The following ZNF469 variants were observed in gnomAD, a reference collection of about 807,000 sequenced individuals.
The protein encoded by ZNF469 is zinc finger protein 469.
In ZNF469, 1 loss-of-function variant was observed where a neutral mutation model predicts 1.0. The ratio of observed to expected loss-of-function variants is 1.00; its 90% CI spans 0.35 to 4.73. The LOEUF is 4.73. Ranked by LOEUF, ZNF469 falls within the 30% of genes most tolerant of loss-of-function variation. ZNF469 has a pLI of 0.16. For synonymous variants in ZNF469, 2,703 were observed against 2,363.4 expected, an observed-to-expected ratio of 1.14 and a Z score of -4.17; for missense variants, 6,100 against 5,356.3, an observed-to-expected ratio of 1.14 and a Z score of -4.33.
At chr16:88,393,885 G>A (rs780969905) in intron 1 of ZNF469, among the ~76,000 whole-genome samples, 4 of 152,230 alleles carry the variant, frequency 2.6e-5, no homozygotes, top group Non-Finnish European at 4.4e-5. Flanking sequence ...AGACGTCATC[G>A]GGGACCCCAA....
the ZNF469 span, among the ~76,000 whole-genome samples, chr16:88,336,509 T>A: frequency 2.3e-5 from 3 of 130,922 alleles, no homozygotes; most frequent in African/African-American, 8.9e-5. Flanking sequence ...CACATGCCAA[T>A]ACCGCGCATG....
At chr16:88,229,577 G>A in the ZNF469 span, among the ~76,000 whole-genome samples, 711 of 103,740 alleles carry the variant, frequency 6.9e-3, 4 homozygotes, top group Non-Finnish European at 0.012. Context: ...ACGCTTGTGC[G>A]CTGATGTCAC....
chr16:88,193,123 G>T, the ZNF469 span, among the ~76,000 whole-genome samples: 1 of 21,054 alleles, frequency 4.7e-5, no homozygotes, highest in Admixed American at 5.9e-4. Context: ...GGTGATGGTG[G>T]TGGTGGTGAT....
At chr16:88,394,436 C>T (rs965251133) in intron 1 of ZNF469, among the ~76,000 whole-genome samples, 1 of 152,252 alleles carries the variant, frequency 6.6e-6, no homozygotes, top group African/African-American at 2.4e-5. Context: ...AATAGTTTCA[C>T]GTTAACATGT....
chr16:88,416,433 G>A (rs951403443), intron 1 of ZNF469, among the ~76,000 whole-genome samples: 1 of 152,148 alleles, frequency 6.6e-6, no homozygotes, highest in African/African-American at 2.4e-5. Context: ...CAGGCCTCCC[G>A]TCCTACCTCC....
chr16:88,314,654 G>A, the ZNF469 span, among the ~76,000 whole-genome samples: 1 of 151,806 alleles, frequency 6.6e-6, no homozygotes, highest in Non-Finnish European at 1.5e-5. Context: ...TTCAGGCAGT[G>A]CTGGTGTGGG....
rs749986676 is a variant in ZNF469, at chr16:88,433,792, G to A, written c.6322G>A (p.Gly2108Arg). ...AGGGGATAGCCCAGCACCCTCTGTC[G>A]GGGACCTGGCCGCCTGCGCCCCCTC... is the stretch of plus-strand genomic sequence containing the variant. ...ATGDSPAPSV[G>R]DLAACAPSPT... The change falls in exon 3 of 3, where the codon GGG (glycine) becomes AGG (arginine). Residue 2108 changes from glycine (G) to arginine (R), a missense_variant. Coordinates refer to ENST00000565624, the MANE Select transcript of ZNF469 (RefSeq NM_001367624.2). 48 of 1,549,540 alleles carry A rather than the reference G, an allele frequency of 3.1e-5. No homozygotes were observed. The highest frequency in any genetic ancestry group is 1.7e-4 in the Middle Eastern group (1 of 6,014).
At chr16:88,365,838 C>T in the ZNF469 span, among the ~76,000 whole-genome samples, 15,949 of 152,130 alleles carry the variant, frequency 0.1, 857 homozygotes, top group Middle Eastern at 0.13. Flanking sequence ...AGAGGCAATG[C>T]CGCCACACAA....
In ZNF469 at chr16:88,431,260, A is replaced by G. The variant is rs760152717; in HGVS notation, c.3790A>G (p.Ile1264Val). The G allele has an allele frequency of 5.8e-6, 9 of 1,550,326 alleles. No individual in the cohort carries two copies. The South Asian group carries it at 1.1e-4, about 18-fold the overall frequency. ...GEMGASPGLLIPEQPPPSRHD... is the reference protein window; with the variant it reads ...GEMGASPGLLVPEQPPPSRHD... ...AATGGGAGCAAGCCCCGGTCTCCTG[A>G]TACCAGAGCAGCCGCCGCCCAGCAG... The change falls in exon 3 of 3, where the codon ATA becomes GTA. Residue 1264 changes from isoleucine (I) to valine (V), a missense_variant. Coordinates refer to ENST00000565624, the MANE Select transcript of ZNF469 (RefSeq NM_001367624.2).
chr16:88,243,932 ATATATATATATATATATAT>A, the ZNF469 span, among the ~76,000 whole-genome samples: 1 of 103,954 alleles, frequency 9.6e-6, no homozygotes, highest in African/African-American at 3.8e-5. Context: ...ATATATATAT[ATATATATATATATATATAT>A]AAATGTATGT....
intron 1 of ZNF469, among the ~76,000 whole-genome samples, chr16:88,405,388 AC>A (rs1904999898): frequency 6.6e-6 from 1 of 152,228 alleles, no homozygotes; most frequent in African/African-American, 2.4e-5. Flanking sequence ...GGGAGTGGCC[AC>A]ATGGGCCCGT....
chr16:88,239,754 G>T, the ZNF469 span, among the ~76,000 whole-genome samples: 886 of 118,468 alleles, frequency 7.5e-3, 21 homozygotes, highest in African/African-American at 0.026. Flanking sequence ...TAGAGACAGG[G>T]TTTCACTGTG....
At chr16:88,305,859 G>A in the ZNF469 span, among the ~76,000 whole-genome samples, 187 of 152,014 alleles carry the variant, frequency 1.2e-3, 1 homozygote, top group Middle Eastern at 0.01. Flanking sequence ...GCACACTCAC[G>A]CATCCATGTT....
At chr16:88,197,351 G>A in the ZNF469 span, among the ~76,000 whole-genome samples, 49 of 152,322 alleles carry the variant, frequency 3.2e-4, no homozygotes, top group African/African-American at 1.2e-3. Context: ...GCGAGCAGGG[G>A]CAGCTTCTTC....
the ZNF469 span, among the ~76,000 whole-genome samples, chr16:88,203,079 G>A: frequency 6.6e-6 from 1 of 152,190 alleles, no homozygotes; most frequent in South Asian, 2.1e-4. Context: ...CTGAAAAGAA[G>A]AAGCTCAGAG....
chr16:88,180,507 C>T, the ZNF469 span, among the ~76,000 whole-genome samples: 1 of 152,144 alleles, frequency 6.6e-6, no homozygotes, highest in Non-Finnish European at 1.5e-5. Context: ...CGCGGTGGCT[C>T]ACACCTGTAA....
At chr16:88,401,970 GGATA>G (rs1256539859) in intron 1 of ZNF469, among the ~76,000 whole-genome samples, 2 of 145,676 alleles carry the variant, frequency 1.4e-5, no homozygotes, top group Non-Finnish European at 1.5e-5. Flanking sequence ...ATGGGTGGAT[GGATA>G]GATACGTGGG....
the ZNF469 span, among the ~76,000 whole-genome samples, chr16:88,208,796 C>CAA: frequency 2.8e-5 from 1 of 35,636 alleles, no homozygotes; most frequent in East Asian, 1.1e-3. Flanking sequence ...CACACACACA[C>CAA]ACACACACTC....
At position 88,420,218 on chromosome 16, in the gene ZNF469, A is replaced by G. The variant is rs542213536; in HGVS notation, c.-191-4589A>G. Among the ~76,000 whole-genome samples, 142 of 152,364 alleles carry G rather than the reference A, an allele frequency of 9.3e-4. 1 individual carries two copies. The highest frequency in any genetic ancestry group is 7.7e-3 in the South Asian group (37 of 4,828). On this transcript the variant is annotated intron_variant, in intron 1 of 2. Transcript: ENST00000565624. ...CTCCCCACAGAGGGGCTGAGGAGAA[A>G]GGGAGAGCCAGTCCCTGCTGTTTGG... is the stretch of plus-strand genomic sequence containing the variant.
Sources: gnomAD v4.1 joint callset for allele counts (sites outside exome capture counted in the v4.1 genomes callset) on GRCh38, gnomAD v4.1.1 for gene constraint, MANE v1.5 for transcripts, NCBI Gene and HGNC (gene_info 2026-07-23, HGNC 2026-07-21) for gene names.